BCAS3: variants seen among roughly 807,000 people sequenced by gnomAD.
BCAS3 encodes BCAS4/BCAS3 fusion.
BCAS3 carries 53 observed loss-of-function variants against 116.1 expected under a neutral mutation model. The ratio of observed to expected loss-of-function variants is 0.46; its 90% CI spans 0.37 to 0.57. The LOEUF is 0.57. Among genes scored for constraint, BCAS3 ranks in the 20% least tolerant of loss-of-function variants. The probability of loss-of-function intolerance (pLI) is 0.00; values close to 1 mark genes in which losing one functional copy is unlikely to be tolerated. For synonymous variants in BCAS3, 391 were observed against 408.2 expected, an observed-to-expected ratio of 0.96 and a Z score of 0.51; for missense variants, 917 against 1,165.4, an observed-to-expected ratio of 0.79 and a Z score of 3.10.
At chr17:61,221,732 C>CA (rs1422175859) in intron 22 of BCAS3, among the ~76,000 whole-genome samples, 2 of 151,338 alleles carry the variant, frequency 1.3e-5, no homozygotes, top group Non-Finnish European at 1.5e-5. Flanking sequence ...TGCAAGGCAC[C>CA]AAAAAAAGAA....
At position 61,012,613 on chromosome 17, in the gene BCAS3, A is replaced by G. The variant is rs1419160693; in HGVS notation, c.1487-3138A>G. ...TGTAAGACAGACACCACCCCTACGA[A>G]CATAAACATGAATGTAAAACCTACA... On this transcript the variant is annotated intron_variant, in intron 15 of 23. Coordinates refer to ENST00000407086, the MANE Select transcript of BCAS3 (RefSeq NM_017679.5). The surrounding 1 kb of genome is among the most constrained non-coding windows in gnomAD (Gnocchi z 4.5). Among the ~76,000 whole-genome samples the G allele has an allele frequency of 2.0e-5, 3 of 152,058 alleles. No homozygotes were observed. Among genetic ancestry groups the G allele is most frequent in the Non-Finnish European group, 4.4e-5 (3 of 67,946 alleles).
chr17:60,898,799 T>A (rs2057683505), intron 10 of BCAS3, among the ~76,000 whole-genome samples: 1 of 152,000 alleles, frequency 6.6e-6, no homozygotes. Flanking sequence ...GGCAAGATAA[T>A]TATTTTTGTT....
intron 7 of BCAS3, among the ~76,000 whole-genome samples, chr17:60,813,263 T>C (rs1402731082): frequency 2.0e-5 from 3 of 151,910 alleles, no homozygotes; most frequent in Non-Finnish European, 2.9e-5. Flanking sequence ...TTTACAATTT[T>C]CTGACCAGTT....
chr17:61,334,690 C>T (rs79103715), intron 22 of BCAS3, among the ~76,000 whole-genome samples: 1 of 99,606 alleles, frequency 1.0e-5, no homozygotes, highest in Non-Finnish European at 2.1e-5. Flanking sequence ...AAAAAAAAAA[C>T]ACCAAGAAAA....
At chr17:61,373,281 G>C (rs568127472) in intron 23 of BCAS3, among the ~76,000 whole-genome samples, 3 of 151,986 alleles carry the variant, frequency 2.0e-5, no homozygotes, top group Non-Finnish European at 4.4e-5. Context: ...GTAGAGACAG[G>C]GTTTCACCGT....
Position 61,388,112 on chromosome 17 carries a change from C to T in BCAS3, c.2594-3865C>T, listed in dbSNP as rs1316339876. Among the ~76,000 whole-genome samples, 1 of 152,218 alleles carries T rather than the reference C, an allele frequency of 6.6e-6. No homozygotes were observed. Among genetic ancestry groups the T allele is most frequent in the Non-Finnish European group, 1.5e-5 (1 of 68,038 alleles). ...CTGGCAGGTTCCTGATGGACTTCCC[C>T]AACAGGTCCACCTCAACCGCAGGAC... On this transcript the variant is annotated intron_variant, in intron 23 of 23. Transcript: ENST00000407086. This position sits in a 1 kb window ranked among gnomAD's most constrained non-coding sequence, Gnocchi z 6.5.
chr17:61,190,381 G>C (rs1347665441), intron 22 of BCAS3, among the ~76,000 whole-genome samples: 2 of 151,644 alleles, frequency 1.3e-5, no homozygotes, highest in Non-Finnish European at 2.9e-5. Flanking sequence ...CAAACAATTA[G>C]CTGGGCGCAG....
Position 61,023,275 on chromosome 17 carries a change from T to C in BCAS3, c.1637+7374T>C, listed in dbSNP as rs1368905058. ...TGGCTCTGCTTCAATATTTGACACATAATGTTGTATAGCTTTTTCTCTGCT... is the reference window on the plus strand; with the variant it reads ...TGGCTCTGCTTCAATATTTGACACACAATGTTGTATAGCTTTTTCTCTGCT... On this transcript the variant is annotated intron_variant, in intron 16 of 23. Coordinates refer to ENST00000407086, the MANE Select transcript of BCAS3 (RefSeq NM_017679.5). This position sits in a 1 kb window ranked among gnomAD's most constrained non-coding sequence, Gnocchi z 4.8. 2.0e-5 allele frequency among the ~76,000 whole-genome samples: 3 copies of C among 152,206 alleles called. No individual in the cohort carries two copies. The highest frequency in any genetic ancestry group is 1.9e-4 in the East Asian group (1 of 5,188).
At chr17:61,148,771 C>T (rs1349720914) in intron 22 of BCAS3, among the ~76,000 whole-genome samples, 1 of 152,208 alleles carries the variant, frequency 6.6e-6, no homozygotes, top group African/African-American at 2.4e-5. Flanking sequence ...CCTCCAAAAA[C>T]TATGTTGTTA....
rs1176509483 is a variant in BCAS3 at position 60,835,434 on chromosome 17, C to T, written c.476+27358C>T. The stretch of plus-strand genomic sequence containing the variant: ...TTGAAACTTCAGTCTTCTTTTACTT[C>T]TCTTCTTCATCTATAAATAGATTTC... On this transcript the variant is annotated intron_variant, in intron 7 of 23. Coordinates refer to ENST00000407086, the MANE Select transcript of BCAS3 (RefSeq NM_017679.5). Among the ~76,000 whole-genome samples the T allele has an allele frequency of 2.6e-5, 4 of 151,980 alleles. No homozygotes were observed. In the East Asian group the frequency reaches 7.7e-4, roughly 29 times the overall value.
rs1222509626 is a variant in BCAS3 at position 60,794,092 on chromosome 17, T to C, written c.404-13912T>C. On this transcript the variant is annotated intron_variant, in intron 6 of 23. Coordinates refer to ENST00000407086, the MANE Select transcript of BCAS3 (RefSeq NM_017679.5). Reference sequence around the variant, plus strand: ...CTACTGTTTTTTGATTTTTTGATTATGGCCATTCTTGCTGGAGTAAGGTGA... The same window carrying C: ...CTACTGTTTTTTGATTTTTTGATTACGGCCATTCTTGCTGGAGTAAGGTGA... 2.6e-5 allele frequency among the ~76,000 whole-genome samples: 4 copies of C among 152,210 alleles called. No individual in the cohort carries two copies. The East Asian group carries it at 7.7e-4, about 29-fold the overall frequency.
intron 22 of BCAS3, chr17:61,245,367 T>TAC (rs1009413299): frequency 1.3e-5 from 2 of 151,908 alleles, no homozygotes; most frequent in African/African-American, 4.8e-5. Context: ...AGCCAAACGA[T>TAC]ATCAGTAAGT....
intron 22 of BCAS3, among the ~76,000 whole-genome samples, chr17:61,322,858 G>GAC (rs2055408446): frequency 1.5e-5 from 2 of 134,202 alleles, no homozygotes; most frequent in South Asian, 2.3e-4. Flanking sequence ...GAGAGAGACA[G>GAC]AGAGAGAGAG....
At chr17:60,728,388 T>G (rs188148733) in intron 5 of BCAS3, among the ~76,000 whole-genome samples, 1 of 152,342 alleles carries the variant, frequency 6.6e-6, no homozygotes, top group African/African-American at 2.4e-5. Flanking sequence ...TCATGTCTTT[T>G]CATGACTTGA....
At chr17:61,081,136 G>A (rs987382857) in intron 21 of BCAS3, among the ~76,000 whole-genome samples, 8 of 152,242 alleles carry the variant, frequency 5.3e-5, no homozygotes, top group African/African-American at 9.6e-5. Flanking sequence ...ATAATAAAGC[G>A]TTTAAAATAA....
intron 22 of BCAS3, among the ~76,000 whole-genome samples, chr17:61,150,653 T>C (rs576571515): frequency 6.6e-6 from 1 of 152,352 alleles, no homozygotes; most frequent in African/African-American, 2.4e-5. Flanking sequence ...TTCCTGCTAA[T>C]TGATTACACT....
intron 22 of BCAS3, among the ~76,000 whole-genome samples, chr17:61,304,302 C>T (rs1038605335): frequency 2.0e-5 from 3 of 152,214 alleles, no homozygotes; most frequent in African/African-American, 7.2e-5. Flanking sequence ...GCTGCATTTG[C>T]CCACAGTAAG....
intron 13 of BCAS3, among the ~76,000 whole-genome samples, chr17:60,934,380 T>C (rs1390872422): frequency 1.3e-5 from 2 of 152,228 alleles, no homozygotes; most frequent in Non-Finnish European, 2.9e-5. Context: ...GGATACTATG[T>C]AAAAATGTGA....
chr17:61,170,453 C>T (rs896620331), intron 22 of BCAS3, among the ~76,000 whole-genome samples: 4 of 151,870 alleles, frequency 2.6e-5, no homozygotes, highest in African/African-American at 7.3e-5. Context: ...CCACCACGCC[C>T]GGCTAATTTT....
Sources: allele counts gnomAD v4.1 joint callset (sites outside exome capture counted in the v4.1 genomes callset), GRCh38; gene constraint gnomAD v4.1.1; non-coding constraint Gnocchi (gnomAD v3.1); transcripts MANE v1.5; gene names NCBI Gene and HGNC (gene_info 2026-07-23, HGNC 2026-07-21).